The following FYB2 variants were observed in gnomAD, a reference collection of about 807,000 sequenced individuals.
FYB2 encodes FYN-binding protein 2.
FYB2 carries 103 observed loss-of-function variants against 94.1 expected under a neutral mutation model. That is an observed-to-expected ratio of 1.09 (90% CI 0.93 to 1.29). The LOEUF is 1.29. Among genes scored for constraint, FYB2 ranks in the 50% most tolerant of loss-of-function variants. FYB2 has a pLI of 0.00. For missense variants in FYB2, 896 were observed against 841.5 expected, an observed-to-expected ratio of 1.06 and a Z score of -0.80; for synonymous variants, 293 against 287.9, an observed-to-expected ratio of 1.02 and a Z score of -0.18.
intron 4 of FYB2, among the ~76,000 whole-genome samples, chr1:56,776,193 C>G (rs891512942): frequency 2.6e-5 from 4 of 152,092 alleles, no homozygotes; most frequent in Non-Finnish European, 5.9e-5. Context: ...GGTCAAGGAG[C>G]CTGTGAGTGG....
At chr1:56,753,615 C>A (rs551500973) in intron 8 of FYB2, among the ~76,000 whole-genome samples, 1 of 152,200 alleles carries the variant, frequency 6.6e-6, no homozygotes, top group African/African-American at 2.4e-5. Flanking sequence ...TGGACTTAAT[C>A]TAGTCCCAGC....
intron 16 of FYB2, among the ~76,000 whole-genome samples, chr1:56,725,757 T>C (rs1382086014): frequency 6.6e-6 from 1 of 152,100 alleles, no homozygotes; most frequent in African/African-American, 2.4e-5. Flanking sequence ...CAGACACTAA[T>C]GTCTGGTTTC....
rs1035086959 is a variant in FYB2 at position 56,720,345 on chromosome 1, A to G, written c.1975-16T>C. 6.3e-7 allele frequency: 1 copy of G among 1,586,696 alleles called. No homozygotes were observed. The highest frequency in any genetic ancestry group is 8.6e-7 in the Non-Finnish European group (1 of 1,168,780). On this transcript the variant is annotated splice_polypyrimidine_tract_variant and intron_variant, in intron 17 of 19. Coordinates refer to ENST00000343433, the MANE Select transcript of FYB2 (RefSeq NM_001004303.5). Reference sequence around the variant, plus strand: ...CTTTGTCGTACTGAAATGAGAAATTACTAATCAGACCATTCTTGCATAGTT... The same window carrying G: ...CTTTGTCGTACTGAAATGAGAAATTGCTAATCAGACCATTCTTGCATAGTT...
At chr1:56,801,594 A>G (rs1646520833) in intron 1 of FYB2, among the ~76,000 whole-genome samples, 1 of 152,152 alleles carries the variant, frequency 6.6e-6, no homozygotes, top group Non-Finnish European at 1.5e-5. Flanking sequence ...TATGAGTAAT[A>G]AATGAACCGT....
At chr1:56,736,616 A>G (rs2100575946) in intron 15 of FYB2, among the ~76,000 whole-genome samples, 1 of 151,924 alleles carries the variant, frequency 6.6e-6, no homozygotes, top group South Asian at 2.1e-4. Context: ...GGATTTTGCC[A>G]TGTTTCTCAG....
intron 1 of FYB2, among the ~76,000 whole-genome samples, chr1:56,807,688 C>G (rs891624500): frequency 6.6e-6 from 1 of 152,158 alleles, no homozygotes; most frequent in African/African-American, 2.4e-5. Context: ...CTTCTAACAA[C>G]CCAGCAAGAT....
chr1:56,817,367 C>T (rs147385623), intron 1 of FYB2, among the ~76,000 whole-genome samples: 2,719 of 152,304 alleles, frequency 0.018, 48 homozygotes, highest in Non-Finnish European at 0.022. Context: ...CAAGTTTCTG[C>T]TCAAATGCCA....
chr1:56,773,577 C>G (rs1406170867), intron 4 of FYB2, among the ~76,000 whole-genome samples: 3 of 152,082 alleles, frequency 2.0e-5, no homozygotes, highest in Non-Finnish European at 4.4e-5. Flanking sequence ...GTGGAAAATG[C>G]CTGACAGGCG....
At chr1:56,817,135 C>T (rs895117763) in intron 1 of FYB2, among the ~76,000 whole-genome samples, 2 of 152,130 alleles carry the variant, frequency 1.3e-5, no homozygotes, top group Non-Finnish European at 2.9e-5. Flanking sequence ...CCAGGTGGCT[C>T]TCCATTTCGC....
chr1:56,788,868 T>C, intron 3 of FYB2, 105 bp downstream of exon 3: 1 of 1,464,148 alleles, frequency 6.8e-7, no homozygotes. Context: ...GTGATGGATG[T>C]CCAGCCTCAT....
intron 1 of FYB2, among the ~76,000 whole-genome samples, chr1:56,801,177 A>C (rs1646510711): frequency 6.6e-6 from 1 of 151,820 alleles, no homozygotes; most frequent in Non-Finnish European, 1.5e-5. Context: ...ACTCGAACTC[A>C]TCTCTCTCCT....
At chr1:56,805,608 G>T (rs1057217101) in intron 1 of FYB2, among the ~76,000 whole-genome samples, 2 of 152,132 alleles carry the variant, frequency 1.3e-5, no homozygotes, top group Non-Finnish European at 2.9e-5. Flanking sequence ...TGACACCAAA[G>T]CCTGTTGATA....
At chr1:56,722,182 T>C (rs535325203) in intron 17 of FYB2, among the ~76,000 whole-genome samples, 21 of 152,106 alleles carry the variant, frequency 1.4e-4, no homozygotes, top group Non-Finnish European at 2.6e-4. Context: ...GATAATAACA[T>C]ATCACAATTT....
At chr1:56,821,391 C>T (rs1439461178), upstream of FYB2, among the ~76,000 whole-genome samples, 2 of 152,150 alleles carry the variant, frequency 1.3e-5, no homozygotes, top group African/African-American at 4.8e-5. Context: ...TACTGTTTTG[C>T]CAGTCGGCTT....
rs150046370 is a variant in FYB2 at position 56,785,165 on chromosome 1, G to A, written c.953+2010C>T. ...ACTGACTAATGGGCCATCACAGCAA[G>A]TTTATCCTCCATGTTGAAACAGATT... On this transcript the variant is annotated intron_variant, in intron 4 of 19. Transcript: ENST00000343433. Among the ~76,000 whole-genome samples the A allele has an allele frequency of 1.3e-3, 191 of 152,310 alleles. 3 individuals are homozygous for A. In the East Asian group the frequency reaches 0.029, roughly 23 times the overall value.
At chr1:56,763,131 A>C (rs1330531598) in intron 5 of FYB2, among the ~76,000 whole-genome samples, 1 of 152,182 alleles carries the variant, frequency 6.6e-6, no homozygotes, top group African/African-American at 2.4e-5. Flanking sequence ...ATAAAGAATA[A>C]TTCATTTTCT....
At chr1:56,781,963 A>G (rs1432985116) in intron 4 of FYB2, among the ~76,000 whole-genome samples, 1 of 152,118 alleles carries the variant, frequency 6.6e-6, no homozygotes, top group Non-Finnish European at 1.5e-5. Context: ...TCTCAACTCA[A>G]TGCTACTATC....
At chr1:56,748,431 T>G (rs1645118738) in intron 9 of FYB2, among the ~76,000 whole-genome samples, 1 of 152,068 alleles carries the variant, frequency 6.6e-6, no homozygotes, top group African/African-American at 2.4e-5. Context: ...ATGTAAGGTG[T>G]GAGGAAGGGG....
intron 4 of FYB2, among the ~76,000 whole-genome samples, chr1:56,784,022 A>G (rs1037724775): frequency 1.3e-5 from 2 of 152,162 alleles, no homozygotes; most frequent in African/African-American, 4.8e-5. Context: ...CCACACTAGT[A>G]TGAGTTAGGT....
Sources: allele counts gnomAD v4.1 joint callset (sites outside exome capture counted in the v4.1 genomes callset), GRCh38; gene constraint gnomAD v4.1.1; transcripts MANE v1.5; gene names NCBI Gene and HGNC (gene_info 2026-07-23, HGNC 2026-07-21).